ENTPD5: variants seen among roughly 807,000 people sequenced by gnomAD.
The protein encoded by ENTPD5 is ectonucleoside triphosphate diphosphohydrolase 5 (inactive), also known as nucleoside diphosphate phosphatase ENTPD5.
Under a neutral mutation model 60.2 loss-of-function variants are expected in ENTPD5, and 49 were observed. The observed-to-expected ratio is 0.81, with a 90% confidence interval of 0.65 to 1.03. The LOEUF is 1.03. Among genes scored for constraint, ENTPD5 ranks in the 50% least tolerant of loss-of-function variants. ENTPD5 has a pLI of 0.00. For missense variants in ENTPD5, 480 were observed against 507.6 expected (o/e 0.95, Z 0.52); for synonymous variants, 187 against 185.4 (o/e 1.01, Z -0.07).
intron 3 of ENTPD5, 29 bp from the exon 4 acceptor site, chr14:73,988,201 C>T: frequency 6.8e-7 from 1 of 1,470,264 alleles, no homozygotes; most frequent in Non-Finnish European, 9.0e-7. Flanking sequence ...ACAAGTTAGA[C>T]CAACTAGCTT....
In ENTPD5 at chr14:73,964,472, A is replaced by T. The variant is rs1380690701; in HGVS notation, c.*2456T>A. The stretch of plus-strand genomic sequence containing the variant: ...AGGTAAGTTCGTGGAGTTAGAATGC[A>T]TCTTCCCTGGAGTTCAGAGGTATTT... On this transcript the variant is annotated 3_prime_UTR_variant, in exon 16 of 16. Transcript: ENST00000334696. 1 of 152,216 alleles carries T rather than the reference A, an allele frequency of 6.6e-6. No homozygotes were observed. The highest frequency in any genetic ancestry group is 1.5e-5 in the Non-Finnish European group (1 of 68,046). 9.4% of individuals were successfully genotyped at this position (152,216 alleles called of 1,614,324 possible). A position where few individuals can be genotyped will look rare whatever the true frequency, so the allele number is the denominator to read the frequency against.
At chr14:73,987,804 A>C in intron 4 of ENTPD5, 82 bp downstream of exon 4, 1 of 1,311,146 alleles carries the variant, frequency 7.6e-7, no homozygotes, top group Non-Finnish European at 1.1e-6. Flanking sequence ...TTCACATAAT[A>C]AACTCTCAGC....
chr14:74,010,287 G>A (rs1173345710), intron 3 of ENTPD5, among the ~76,000 whole-genome samples: 1 of 151,826 alleles, frequency 6.6e-6, no homozygotes, highest in Non-Finnish European at 1.5e-5. Context: ...AGGCGCAGTG[G>A]CTCACGCCTG....
chr14:74,011,833 C>G (rs992125458), intron 2 of ENTPD5, among the ~76,000 whole-genome samples: 4 of 151,958 alleles, frequency 2.6e-5, no homozygotes, highest in African/African-American at 4.8e-5. Context: ...ATTACATGCA[C>G]GAGTATGTGG....
chr14:73,957,938 G>A (rs1202166583), downstream of ENTPD5: 3 of 540,462 alleles, frequency 5.6e-6, no homozygotes, highest in Non-Finnish European at 1.0e-5. Flanking sequence ...AGTTCACTGA[G>A]AACTTCAATG....
chr14:74,010,080 G>A (rs1244959022), intron 3 of ENTPD5, among the ~76,000 whole-genome samples: 1 of 151,906 alleles, frequency 6.6e-6, no homozygotes, highest in African/African-American at 2.4e-5. Context: ...GTAAGCCACC[G>A]CACCCAGCCG....
intron 6 of ENTPD5, among the ~76,000 whole-genome samples, chr14:73,981,924 T>C (rs1453567173): frequency 2.0e-5 from 3 of 152,062 alleles, no homozygotes; most frequent in Non-Finnish European, 4.4e-5. Context: ...ATTCCATTTA[T>C]ATGAAAAGAA....
intron 3 of ENTPD5, among the ~76,000 whole-genome samples, chr14:74,003,744 T>C (rs1183150684): frequency 1.3e-5 from 2 of 150,688 alleles, no homozygotes; most frequent in African/African-American, 4.9e-5. Context: ...AACCATACGA[T>C]AAATCATCTC....
chr14:73,959,663 G>A (rs1268793586), downstream of ENTPD5: 28 of 1,457,644 alleles, frequency 1.9e-5, no homozygotes, highest in East Asian at 7.4e-5. Context: ...TCCGCCTCCC[G>A]GGTTCAAGCG....
At chr14:74,018,470 G>T (rs760102674) in intron 1 of ENTPD5, 7 of 152,150 alleles carry the variant, frequency 4.6e-5, no homozygotes, top group Non-Finnish European at 5.9e-5. Context: ...TCAGAATACC[G>T]TACCTTCCTT....
chr14:74,001,885 G>T (rs891580550), intron 3 of ENTPD5, among the ~76,000 whole-genome samples: 10 of 151,776 alleles, frequency 6.6e-5, no homozygotes. Flanking sequence ...ATGTCCTCAA[G>T]AATTTTTTAT....
rs549083830 is a variant in ENTPD5, at chr14:73,985,517, T to C, written c.297+1297A>G. On this transcript the variant is annotated intron_variant, in intron 5 of 15. Transcript: ENST00000334696. ...GTGATGATGAGCATTTTTTCATGTGTCCGTTGGCTGCATAAATGTCTTCTT... is the reference window on the plus strand; with the variant it reads ...GTGATGATGAGCATTTTTTCATGTGCCCGTTGGCTGCATAAATGTCTTCTT... Among the ~76,000 whole-genome samples the C allele has an allele frequency of 7.4e-3, 1,126 of 152,324 alleles. 6 individuals carry two copies. The highest frequency in any genetic ancestry group is 0.012 in the Non-Finnish European group (791 of 68,032).
chr14:73,992,286 G>A (rs534432013), intron 3 of ENTPD5, among the ~76,000 whole-genome samples: 91 of 152,134 alleles, frequency 6.0e-4, no homozygotes, highest in African/African-American at 2.0e-3. Context: ...AAAATACTTC[G>A]TATATTTGGA....
At chr14:73,960,377 T>C (rs2056658678), downstream of ENTPD5, 1 of 987,206 alleles carries the variant, frequency 1.0e-6, no homozygotes, top group Non-Finnish European at 1.2e-6. Context: ...GACACAGCCT[T>C]TGGATAATAT....
downstream of ENTPD5, chr14:73,960,956 G>A (rs2056693259): frequency 1.6e-6 from 1 of 643,978 alleles, no homozygotes; most frequent in African/African-American, 1.8e-5. Context: ...AAGTAGGCAG[G>A]GGCCAGCTCA....
chr14:73,962,598 A>G (rs2056795678), downstream of ENTPD5: 1 of 200,276 alleles, frequency 5.0e-6, no homozygotes, highest in Admixed American at 5.4e-5. Flanking sequence ...AATGATGAAG[A>G]TGTTTAAGCT....
Position 73,976,358 on chromosome 14 carries a change from G to A in ENTPD5, c.608C>T (p.Ala203Val). ...GGGCAGGAACGTGATTTGGGTGGAG[G>A]CTCCCCCTAGGTCCAAGGTCCCCAC... ...ETVGTLDLGGASTQITFLPQF... is the reference protein window; with the variant it reads ...ETVGTLDLGGVSTQITFLPQF... Residue 203 changes from alanine (A) to valine (V), a missense_variant, in exon 9 of 16, where the codon GCC becomes GTC. Transcript: ENST00000334696. 1.9e-6 allele frequency: 3 copies of A among 1,614,112 alleles called. No individual in the cohort carries two copies. The highest frequency in any genetic ancestry group is 2.5e-6 in the Non-Finnish European group (3 of 1,179,986).
chr14:74,007,543 T>C lies in ENTPD5; in HGVS notation c.-71+3548A>G, dbSNP rs573465443. Among the ~76,000 whole-genome samples the C allele has an allele frequency of 4.0e-4, 61 of 151,678 alleles. 1 individual carries two copies. In the South Asian group the frequency reaches 0.011, roughly 26 times the overall value. On this transcript the variant is annotated intron_variant, in intron 3 of 15. Coordinates refer to ENST00000334696, the MANE Select transcript of ENTPD5 (RefSeq NM_001249.5). The stretch of plus-strand genomic sequence containing the variant: ...CCTTGGAAAAAAAAAAATTAGGTAC[T>C]GAAGAGGTATTTGGTGAAAAGGGAC...
Position 73,970,000 on chromosome 14 carries a change from T to C in ENTPD5, c.1200+10A>G, listed in dbSNP as rs751231992. 1.1e-5 allele frequency: 17 copies of C among 1,591,944 alleles called. No individual in the cohort carries two copies. The highest frequency in any genetic ancestry group is 5.0e-5 in the Admixed American group (3 of 59,964). ...GGGCTGTTATGAGACTCTGGTGTCC[T>C]GTCTCTTACCTGTAAGACTGTGCTG... On this transcript the variant is annotated intron_variant, in intron 15 of 15. Transcript: ENST00000334696.
Sources: gnomAD v4.1 joint callset for allele counts (sites outside exome capture counted in the v4.1 genomes callset) on GRCh38, gnomAD v4.1.1 for gene constraint, MANE v1.5 for transcripts, NCBI Gene and HGNC (gene_info 2026-07-23, HGNC 2026-07-21) for gene names.